The following CA5A variants were observed in gnomAD, a reference collection of about 807,000 sequenced individuals.
CA5A encodes carbonic anhydrase 5A.
CA5A carries 28 observed loss-of-function variants against 37.1 expected under a neutral mutation model. The observed-to-expected ratio is 0.75, with a 90% confidence interval of 0.56 to 1.03. The LOEUF is 1.03. Among genes scored for constraint, CA5A ranks in the 50% least tolerant of loss-of-function variants. The probability of loss-of-function intolerance (pLI) is 0.00; values close to 1 mark genes in which losing one functional copy is unlikely to be tolerated. For missense variants in CA5A, 444 were observed against 399.9 expected, an observed-to-expected ratio of 1.11 and a Z score of -0.94; for synonymous variants, 171 against 158.4, an observed-to-expected ratio of 1.08 and a Z score of -0.60.
intron 1 of CA5A, among the ~76,000 whole-genome samples, chr16:87,927,599 C>A (rs571796652): frequency 6.6e-6 from 1 of 152,142 alleles, no homozygotes; most frequent in African/African-American, 2.4e-5. Flanking sequence ...CAGTGGCTCA[C>A]GCCTGTAATC....
intron 2 of CA5A, among the ~76,000 whole-genome samples, chr16:87,914,764 C>T (rs1450332252): frequency 3.3e-5 from 5 of 152,140 alleles, no homozygotes; most frequent in African/African-American, 1.2e-4. Flanking sequence ...CCTCAGCTGG[C>T]GGCTGGGCTT....
intron 2 of CA5A, among the ~76,000 whole-genome samples, chr16:87,907,046 A>G (rs2055971541): frequency 1.3e-5 from 2 of 151,978 alleles, no homozygotes; most frequent in Non-Finnish European, 2.9e-5. Context: ...ATAAAACCTC[A>G]TCTCTACTAA....
intron 6 of CA5A, 98 bp downstream of exon 6, chr16:87,891,701 A>G: frequency 1.9e-6 from 2 of 1,079,678 alleles, no homozygotes; most frequent in East Asian, 3.1e-5. Flanking sequence ...GAATATATAT[A>G]ACTCCACAAC....
At position 87,902,431 on chromosome 16, in the gene CA5A, A is replaced by C; in HGVS notation, c.549T>G (p.Phe183Leu). ...CACCCGAGCAAGTGATTACCTTTAA[A>C]AACACGCCTATCACAGCCAAACCAT... ...GENGLAVIGV[F>L]LKLGAHHQTL... The change falls in exon 4 of 7, where the codon TTT becomes TTG. Residue 183 changes from phenylalanine to leucine, a missense_variant. Coordinates refer to ENST00000649794, the MANE Select transcript of CA5A (RefSeq NM_001739.2). 19 of 1,604,380 alleles carry C rather than the reference A, an allele frequency of 1.2e-5. No individual in the cohort carries two copies. Among genetic ancestry groups the C allele is most frequent in the Non-Finnish European group, 1.6e-5 (19 of 1,171,170 alleles).
chr16:87,887,975 C>G (rs1351935815), downstream of CA5A: 1 of 1,187,866 alleles, frequency 8.4e-7, no homozygotes, highest in African/African-American at 1.5e-5. Flanking sequence ...ACACATCTTT[C>G]TTTCACTTGC....
chr16:87,898,172 A>G (rs1408706125), intron 5 of CA5A, among the ~76,000 whole-genome samples: 1 of 152,204 alleles, frequency 6.6e-6, no homozygotes, highest in Non-Finnish European at 1.5e-5. Flanking sequence ...GCCTGGAACC[A>G]GGAGAGATGA....
intron 5 of CA5A, among the ~76,000 whole-genome samples, chr16:87,894,317 C>CA (rs1303287378): frequency 2.0e-5 from 3 of 151,998 alleles, no homozygotes; most frequent in Non-Finnish European, 4.4e-5. Context: ...TCCAAAGTGA[C>CA]AGAGTCCCTG....
In CA5A at chr16:87,914,522, GGGA is replaced by G. The variant is rs575686935; in HGVS notation, c.341-9621_341-9619del. On this transcript the variant is annotated intron_variant, in intron 2 of 6. Coordinates refer to ENST00000649794, the MANE Select transcript of CA5A (RefSeq NM_001739.2). ...GTCTCCAAGGCTGAGGAACTGGGGTGGGAGGAGGAGGAGGCACAGAGCCGTCTG... is the reference window on the plus strand; with the variant it reads ...GTCTCCAAGGCTGAGGAACTGGGGTGGGAGGAGGAGGCACAGAGCCGTCTG... 5.8e-4 allele frequency among the ~76,000 whole-genome samples: 88 copies of G among 152,284 alleles called. 2 individuals are homozygous for G. The South Asian group carries it at 0.015, about 25-fold the overall frequency.
rs549400977 is a variant in CA5A, at chr16:87,893,778, C to G, written c.619-1824G>C. 7.8e-6 allele frequency: 3 copies of G among 386,068 alleles called. No individual in the cohort carries two copies. In the East Asian group the frequency reaches 1.9e-4, roughly 25 times the overall value. The allele number at this position is 386,068 out of a possible 1,614,324, so 23.9% of individuals were successfully genotyped here. On this transcript the variant is annotated intron_variant, in intron 5 of 6. Transcript: ENST00000649794. ...ATTTTGCATTGAATACACTCACAGC[C>G]AAAAAACAAAAAGAGTCAGGGTCTT... is the stretch of plus-strand genomic sequence containing the variant.
chr16:87,903,122 C>T (rs550366567), intron 3 of CA5A, among the ~76,000 whole-genome samples: 2 of 152,064 alleles, frequency 1.3e-5, no homozygotes, highest in South Asian at 4.1e-4. Flanking sequence ...TATCCTTGGA[C>T]AAGAATTACC....
intron 2 of CA5A, among the ~76,000 whole-genome samples, chr16:87,910,985 AG>A (rs1297584813): frequency 1.6e-4 from 24 of 151,712 alleles, no homozygotes; most frequent in Admixed American, 1.6e-3. Context: ...CTTGACCTCA[AG>A]GGATCTGCCG....
At chr16:87,900,120 T>G (rs1000804408) in intron 5 of CA5A, among the ~76,000 whole-genome samples, 1 of 151,976 alleles carries the variant, frequency 6.6e-6, no homozygotes, top group Non-Finnish European at 1.5e-5. Flanking sequence ...CTCCAGAACC[T>G]TCCCCGGGAG....
chr16:87,926,962 G>A lies in CA5A; in HGVS notation c.143-17C>T, dbSNP rs370566084. 3.0e-5 allele frequency: 45 copies of A among 1,516,924 alleles called. No individual in the cohort carries two copies. The highest frequency in any genetic ancestry group is 2.0e-4 in the Middle Eastern group (1 of 5,102). The allele number at this position is 1,516,924 out of a possible 1,614,324, so 94.0% of individuals were successfully genotyped here. A position where few individuals can be genotyped will look rare whatever the true frequency, so the allele number is the denominator to read the frequency against. Reference sequence around the variant, plus strand: ...GTGGGTGCACTGCAGGGAGAGAGACGGAGACCCTGAGTGAGGCATGAGCTT... The same window carrying A: ...GTGGGTGCACTGCAGGGAGAGAGACAGAGACCCTGAGTGAGGCATGAGCTT... On this transcript the variant is annotated splice_polypyrimidine_tract_variant and intron_variant, in intron 1 of 6. Transcript: ENST00000649794.
intron 4 of CA5A, 30 bp from the exon 5 acceptor site, chr16:87,902,004 G>C (rs1424399651): frequency 6.2e-7 from 1 of 1,602,620 alleles, no homozygotes; most frequent in South Asian, 1.1e-5. Flanking sequence ...GGGGTTAGCT[G>C]CAAAGGCAGT....
chr16:87,932,491 G>A (rs1317360248), intron 1 of CA5A, among the ~76,000 whole-genome samples: 10 of 152,316 alleles, frequency 6.6e-5, no homozygotes, highest in African/African-American at 9.6e-5. Flanking sequence ...CGGAGGCGAC[G>A]CCACCTGGAT....
intron 5 of CA5A, among the ~76,000 whole-genome samples, chr16:87,894,031 T>C (rs2055765213): frequency 6.6e-6 from 1 of 152,240 alleles, no homozygotes; most frequent in African/African-American, 2.4e-5. Flanking sequence ...AATATTGGGA[T>C]TACAGGCATA....
At chr16:87,929,684 A>T (rs377324052) in intron 1 of CA5A, among the ~76,000 whole-genome samples, 1 of 151,558 alleles carries the variant, frequency 6.6e-6, no homozygotes, top group South Asian at 2.1e-4. Context: ...CATCCTGGCT[A>T]ACACCGTGAA....
intron 2 of CA5A, among the ~76,000 whole-genome samples, chr16:87,908,651 G>A (rs1597562954): frequency 2.0e-5 from 3 of 152,318 alleles, no homozygotes; most frequent in South Asian, 4.1e-4. Context: ...TGCTGGGACC[G>A]GAAGGGACTT....
At chr16:87,909,334 C>T (rs2056014377) in intron 2 of CA5A, among the ~76,000 whole-genome samples, 1 of 152,176 alleles carries the variant, frequency 6.6e-6, no homozygotes, top group Non-Finnish European at 1.5e-5. Context: ...GAAACGGCGG[C>T]CACCCTGGGC....
Sources: allele counts gnomAD v4.1 joint callset (sites outside exome capture counted in the v4.1 genomes callset), GRCh38; gene constraint gnomAD v4.1.1; transcripts MANE v1.5; gene names NCBI Gene and HGNC (gene_info 2026-07-23, HGNC 2026-07-21).